Variants in GFPT2 observed in about 807,000 individuals in gnomAD.
GFPT2 encodes glutamine--fructose-6-phosphate transaminase 2, also known as glutamine--fructose-6-phosphate aminotransferase [isomerizing] 2.
A neutral mutation model predicts 85.6 loss-of-function variants in GFPT2; 62 were observed. The observed-to-expected ratio is 0.72, with a 90% CI of 0.59 to 0.90. GFPT2 has a LOEUF of 0.90. Ranked by LOEUF, GFPT2 falls within the 40% of genes least tolerant of loss-of-function variation. The probability of loss-of-function intolerance (pLI) is 0.00; values close to 1 mark genes in which losing one functional copy is unlikely to be tolerated. For missense variants in GFPT2, 788 were observed against 893.4 expected, an observed-to-expected ratio of 0.88 and a Z score of 1.50; for synonymous variants, 368 against 344.5, an observed-to-expected ratio of 1.07 and a Z score of -0.75.
intron 1 of GFPT2, among the ~76,000 whole-genome samples, chr5:180,347,409 A>G (rs1333901092): frequency 6.6e-6 from 1 of 152,124 alleles, no homozygotes; most frequent in Non-Finnish European, 1.5e-5. Flanking sequence ...CAGAGCTTCC[A>G]GACAGCCTTT....
intron 1 of GFPT2, among the ~76,000 whole-genome samples, chr5:180,349,858 T>C (rs1446539173): frequency 6.6e-6 from 1 of 151,026 alleles, no homozygotes; most frequent in Non-Finnish European, 1.5e-5. Context: ...CTAAGAATTC[T>C]CCAGCTCTTC....
In GFPT2 at chr5:180,312,551, A is replaced by C; in HGVS notation, c.1432-7T>G. 1 of 1,438,300 alleles carries C rather than the reference A, an allele frequency of 7.0e-7. No homozygotes were observed. Among genetic ancestry groups the C allele is most frequent in the Non-Finnish European group, 9.8e-7 (1 of 1,020,570 alleles). 89.1% of individuals were successfully genotyped at this position (1,438,300 alleles called of 1,614,324 possible). A position where few individuals can be genotyped will look rare whatever the true frequency, so the allele number is the denominator to read the frequency against. On this transcript the variant is annotated splice_region_variant and splice_polypyrimidine_tract_variant and intron_variant, in intron 14 of 18. Transcript: ENST00000253778. ...TGAACTGACTGGTATAAGCCTGTGC[A>C]CAAAGAAGGAGGTGGCAGGGACCTT...
Position 180,318,718 on chromosome 5 carries a change from A to T in GFPT2, c.958+75T>A. ...GAGGGCTGTGGCCTCTACTAGGACC[A>T]GGCAGAGTGTCAGGAGCTCCACCAG... On this transcript the variant is annotated intron_variant, in intron 10 of 18. Transcript: ENST00000253778. This position sits in a 1 kb window ranked among gnomAD's most constrained non-coding sequence, Gnocchi z 4.2. 1 of 1,262,930 alleles carries T rather than the reference A, an allele frequency of 7.9e-7. No individual in the cohort carries two copies. Among genetic ancestry groups the T allele is most frequent in the Non-Finnish European group, 1.1e-6 (1 of 895,064 alleles). 78.2% of individuals were successfully genotyped at this position (1,262,930 alleles called of 1,614,324 possible).
intron 16 of GFPT2, among the ~76,000 whole-genome samples, chr5:180,305,497 C>T (rs917773206): frequency 6.6e-6 from 1 of 152,136 alleles, no homozygotes; most frequent in African/African-American, 2.4e-5. Flanking sequence ...AATGGTGAGA[C>T]AGTCAAATAA....
At chr5:180,317,554 TCG>T (rs1426924747) in intron 10 of GFPT2, among the ~76,000 whole-genome samples, 9 of 150,704 alleles carry the variant, frequency 6.0e-5, no homozygotes, top group Non-Finnish European at 1.2e-4. Flanking sequence ...AGTCAGGAGA[TCG>T]AGACCATCCC....
At position 180,328,463 on chromosome 5, in the gene GFPT2, C is replaced by T. The variant is rs1764251089; in HGVS notation, c.535-125G>A. 1 of 739,548 alleles carries T rather than the reference C, an allele frequency of 1.4e-6. No individual in the cohort carries two copies. Among genetic ancestry groups the T allele is most frequent in the South Asian group, 1.5e-5 (1 of 66,218 alleles). 45.8% of individuals were successfully genotyped at this position (739,548 alleles called of 1,614,324 possible). A position where few individuals can be genotyped will look rare whatever the true frequency, so the allele number is the denominator to read the frequency against. ...GGAGGTCCTGGGGTCCCTCGGGGAG[C>T]TGAGTGCAGAACAGCGCATCCGGGG... is the stretch of plus-strand genomic sequence containing the variant. On this transcript the variant is annotated intron_variant, in intron 6 of 18. Transcript: ENST00000253778. The surrounding 1 kb of genome is among the most constrained non-coding windows in gnomAD (Gnocchi z 5.4).
intron 2 of GFPT2, among the ~76,000 whole-genome samples, chr5:180,338,184 G>T (rs947239255): frequency 1.3e-5 from 2 of 152,168 alleles, no homozygotes; most frequent in East Asian, 1.9e-4. Context: ...CTCAAGTCAG[G>T]CACCGCACGG....
At chr5:180,338,390 C>A in intron 2 of GFPT2, 103 bp downstream of exon 2, 1 of 487,858 alleles carries the variant, frequency 2.0e-6, no homozygotes, top group South Asian at 3.4e-5. Flanking sequence ...TAAAAAGTAG[C>A]AGAAAAAATG....
At chr5:180,324,442 G>A (rs1466070877) in intron 8 of GFPT2, 137 bp from the exon 9 acceptor site, 7 of 615,606 alleles carry the variant, frequency 1.1e-5, no homozygotes, top group East Asian at 5.4e-5. Context: ...CAGCCAAATC[G>A]TGTAAAAGAT....
intron 4 of GFPT2, among the ~76,000 whole-genome samples, chr5:180,333,880 C>T (rs1476303768): frequency 1.3e-5 from 2 of 152,162 alleles, no homozygotes; most frequent in African/African-American, 2.4e-5. Context: ...TCATCATCTA[C>T]ACTGAAGTGG....
intron 1 of GFPT2, among the ~76,000 whole-genome samples, chr5:180,344,515 CTGTT>C (rs1356755782): frequency 6.6e-6 from 1 of 152,238 alleles, no homozygotes; most frequent in Non-Finnish European, 1.5e-5. Flanking sequence ...CATGGACCGA[CTGTT>C]TGGACAGTGG....
chr5:180,335,877 C>A lies in GFPT2; in HGVS notation c.291G>T (p.Gly97=), dbSNP rs762261055. ...GIAHTRWATH[G]VPSAVNSHPQ... ...GGTGGCTGTTGACAGCACTGGGGACCCCGTGGGTGGCCCAGCGCGTGTGGG... is the reference window on the plus strand; with the variant it reads ...GGTGGCTGTTGACAGCACTGGGGACACCGTGGGTGGCCCAGCGCGTGTGGG... Residue 97 remains glycine (G), a synonymous_variant, in exon 4 of 19, where the codon GGG becomes GGT. Coordinates refer to ENST00000253778, the MANE Select transcript of GFPT2 (RefSeq NM_005110.4). 6.3e-6 allele frequency: 10 copies of A among 1,586,880 alleles called. No homozygotes were observed. The African/African-American group carries it at 1.2e-4, about 20-fold the overall frequency.
chr5:180,349,697 T>G (rs1764674392), intron 1 of GFPT2, among the ~76,000 whole-genome samples: 1 of 151,944 alleles, frequency 6.6e-6, no homozygotes, highest in Admixed American at 6.6e-5. Context: ...GATTCTGGAC[T>G]TGTGGTCTCC....
rs757509089 is a variant in GFPT2, at chr5:180,324,263, T to C, written c.719A>G (p.Lys240Arg). ...NVKNICKTRM[K>R]RLDSSACLHA... ...CAGGCAGGCGGAGCTGTCCAGCCTC[T>C]TCATCCGTGTCTTACAGATATTCTT... Residue 240 changes from lysine to arginine, a missense_variant, in exon 9 of 19, where the codon AAG becomes AGG. Physicochemically the swap from Lys to Arg is conservative, Grantham distance 26. Coordinates refer to ENST00000253778, the MANE Select transcript of GFPT2 (RefSeq NM_005110.4). 1 of 1,612,088 alleles carries C rather than the reference T, an allele frequency of 6.2e-7. No individual in the cohort carries two copies.
intron 1 of GFPT2, among the ~76,000 whole-genome samples, chr5:180,338,931 C>T (rs1161372255): frequency 2.0e-5 from 3 of 152,204 alleles, no homozygotes; most frequent in Non-Finnish European, 2.9e-5. Context: ...TTAGGACATC[C>T]GGAAGTCCCC....
chr5:180,351,196 T>TC (rs1159738532), intron 1 of GFPT2, among the ~76,000 whole-genome samples: 6 of 151,834 alleles, frequency 4.0e-5, no homozygotes, highest in East Asian at 1.9e-4. Flanking sequence ...CAGACCATCA[T>TC]CCCCCCCAAA....
At chr5:180,321,268 A>G (rs1288234018) in intron 9 of GFPT2, among the ~76,000 whole-genome samples, 2 of 152,246 alleles carry the variant, frequency 1.3e-5, no homozygotes, top group African/African-American at 2.4e-5. Context: ...CACTGCTTCC[A>G]TTGTAGCATT....
In GFPT2 at chr5:180,324,296, T is replaced by C; in HGVS notation, c.686A>G (p.Glu229Gly). The change falls in exon 9 of 19, where the codon GAG becomes GGG. Residue 229 changes from glutamate (E) to glycine (G), a missense_variant. By Grantham distance (98) the Glu-to-Gly change is moderately conservative (BLOSUM62 -2). Transcript: ENST00000253778. ...TGTCTTACAGATATTCTTCACATTC[T>C]CCAGAGTGCCTAGCAAATGGAGGAA... ...IPILYRTCTL[E>G]NVKNICKTRM... is the part of the protein sequence containing the mutation. 6.3e-7 allele frequency: 1 copy of C among 1,581,682 alleles called. No individual in the cohort carries two copies. Among genetic ancestry groups the C allele is most frequent in the Non-Finnish European group, 8.7e-7 (1 of 1,154,704 alleles).
intron 16 of GFPT2, 55 bp from the exon 17 acceptor site, chr5:180,304,994 T>A (rs979965082): frequency 1.6e-4 from 205 of 1,287,096 alleles, no homozygotes; most frequent in Non-Finnish European, 1.9e-4. Context: ...CTGGAGCAGA[T>A]CAGCCAGAGG....
Sources: allele counts gnomAD v4.1 joint callset (sites outside exome capture counted in the v4.1 genomes callset), GRCh38; gene constraint gnomAD v4.1.1; non-coding constraint Gnocchi (gnomAD v3.1); transcripts MANE v1.5; gene names NCBI Gene and HGNC (gene_info 2026-07-23, HGNC 2026-07-21).